Variants in AK5 observed in about 807,000 individuals in gnomAD.
AK5 encodes the protein adenylate kinase isoenzyme 5.
A neutral mutation model predicts 69.5 loss-of-function variants in AK5; 27 were observed. The ratio of observed to expected loss-of-function variants is 0.39; its 90% CI spans 0.29 to 0.54. The LOEUF is 0.54. Among genes scored for constraint, AK5 ranks in the 20% least tolerant of loss-of-function variants. The pLI is 0.71. For missense variants in AK5, 531 were observed against 700.4 expected, an observed-to-expected ratio of 0.76 and a Z score of 2.73; for synonymous variants, 260 against 244.4, an observed-to-expected ratio of 1.06 and a Z score of -0.60.
chr1:77,391,613 AC>A (rs1243127429), intron 6 of AK5, among the ~76,000 whole-genome samples: 1 of 150,778 alleles, frequency 6.6e-6, no homozygotes, highest in East Asian at 1.9e-4. Flanking sequence ...GATAGGTGCT[AC>A]AAAAAAAAGA....
At chr1:77,552,356 TC>T in intron 13 of AK5, among the ~76,000 whole-genome samples, 1 of 152,292 alleles carries the variant, frequency 6.6e-6, no homozygotes, top group Non-Finnish European at 1.5e-5. Context: ...ATCGTAATGG[TC>T]CCCAATAAAG....
chr1:77,290,653 C>T (rs1396771918), intron 2 of AK5, among the ~76,000 whole-genome samples: 1 of 152,186 alleles, frequency 6.6e-6, no homozygotes. Context: ...CAGAATATCT[C>T]ATTATCTTAT....
At chr1:77,294,304 G>A (rs1658863610) in intron 3 of AK5, among the ~76,000 whole-genome samples, 1 of 152,098 alleles carries the variant, frequency 6.6e-6, no homozygotes, top group Non-Finnish European at 1.5e-5. Context: ...GAAGTTTTCT[G>A]AGAGCTGAAT....
At chr1:77,381,697 G>T (rs1647645220) in intron 6 of AK5, among the ~76,000 whole-genome samples, 1 of 152,098 alleles carries the variant, frequency 6.6e-6, no homozygotes, top group Non-Finnish European at 1.5e-5. Context: ...ATAAATATTT[G>T]GGGTTCCCAG....
chr1:77,379,847 C>T (rs1231300829), intron 6 of AK5, among the ~76,000 whole-genome samples: 4 of 152,082 alleles, frequency 2.6e-5, no homozygotes, highest in African/African-American at 7.2e-5. Context: ...ACATAAATAA[C>T]GTATCTGGGT....
intron 6 of AK5, among the ~76,000 whole-genome samples, chr1:77,398,538 G>C (rs1163935752): frequency 6.6e-6 from 1 of 151,978 alleles, no homozygotes; most frequent in Non-Finnish European, 1.5e-5. Context: ...AATAGAAAGG[G>C]GAAAAGGGTA....
intron 12 of AK5, among the ~76,000 whole-genome samples, chr1:77,532,934 A>G (rs1015278652): frequency 1.3e-5 from 2 of 152,242 alleles, no homozygotes; most frequent in African/African-American, 4.8e-5. Context: ...GCTAGGAACC[A>G]GACAGCTACT....
intron 6 of AK5, among the ~76,000 whole-genome samples, chr1:77,360,218 G>A (rs949281379): frequency 6.6e-6 from 1 of 152,178 alleles, no homozygotes; most frequent in East Asian, 1.9e-4. Context: ...AACATCTTAG[G>A]ACTGATAGAG....
At chr1:77,496,764 T>C (rs1457522691) in intron 10 of AK5, among the ~76,000 whole-genome samples, 2 of 152,154 alleles carry the variant, frequency 1.3e-5, no homozygotes, top group Admixed American at 6.5e-5. Flanking sequence ...CAGCACTCTG[T>C]GTCTAGCTAA....
At chr1:77,554,597 GTTTTGT>G (rs373574613) in intron 13 of AK5, among the ~76,000 whole-genome samples, 64 of 151,882 alleles carry the variant, frequency 4.2e-4, no homozygotes, top group East Asian at 1.8e-3. Context: ...TTTTATTTGG[GTTTTGT>G]TTTTGTTTTT....
At chr1:77,282,448 C>T (rs576780187) in intron 1 of AK5, 75 bp downstream of exon 1, 2 of 1,491,568 alleles carry the variant, frequency 1.3e-6, no homozygotes, top group Non-Finnish European at 1.8e-6. Context: ...GGCAGCCGCG[C>T]CCCGTCCCAC....
intron 12 of AK5, among the ~76,000 whole-genome samples, chr1:77,528,815 C>T (rs973848971): frequency 1.5e-4 from 23 of 152,216 alleles, no homozygotes; most frequent in Admixed American, 5.2e-4. Flanking sequence ...TATAGTGACT[C>T]TGGTGTGAAC....
intron 5 of AK5, among the ~76,000 whole-genome samples, chr1:77,322,460 A>G (rs1018973017): frequency 2.0e-5 from 3 of 152,128 alleles, no homozygotes; most frequent in Non-Finnish European, 2.9e-5. Flanking sequence ...TTGCAGAGGA[A>G]AGCAAACCTA....
intron 8 of AK5, among the ~76,000 whole-genome samples, chr1:77,452,077 C>T (rs929361419): frequency 3.3e-5 from 5 of 152,200 alleles, no homozygotes; most frequent in African/African-American, 7.2e-5. Flanking sequence ...AAATCCACTT[C>T]GTATTTTCCC....
At chr1:77,383,146 A>G (rs1427246685) in intron 6 of AK5, among the ~76,000 whole-genome samples, 1 of 152,218 alleles carries the variant, frequency 6.6e-6, no homozygotes, top group Non-Finnish European at 1.5e-5. Flanking sequence ...ACATTTGATT[A>G]AAGTCGTACA....
chr1:77,343,426 G>A (rs777884757), intron 6 of AK5, among the ~76,000 whole-genome samples: 5 of 152,142 alleles, frequency 3.3e-5, no homozygotes, highest in Non-Finnish European at 7.4e-5. Context: ...TAGCCTCTAG[G>A]ACTTGATCTC....
At chr1:77,515,921 T>C (rs748825853) in intron 10 of AK5, among the ~76,000 whole-genome samples, 17 of 151,986 alleles carry the variant, frequency 1.1e-4, no homozygotes, top group Non-Finnish European at 1.9e-4. Context: ...GGTGTGGTGA[T>C]GTGCACCTGT....
Position 77,558,615 on chromosome 1 carries a change from G to C in AK5, c.1634G>C (p.Gly545Ala). The change falls in exon 14 of 14, where the codon GGA (glycine) becomes GCA (alanine). Residue 545 changes from glycine (G) to alanine (A), a missense_variant. Transcript: ENST00000354567. Reference protein sequence around the residue: ...KTQLHKINAEGTPEDVFLQLC... With the variant: ...KTQLHKINAEATPEDVFLQLC... ...TTTTAAATATAGATAAATGCAGAGGGAACACCAGAGGACGTTTTTCTTCAA... is the reference window on the plus strand; with the variant it reads ...TTTTAAATATAGATAAATGCAGAGGCAACACCAGAGGACGTTTTTCTTCAA... 2.5e-6 allele frequency: 4 copies of C among 1,596,186 alleles called. No individual in the cohort carries two copies. The highest frequency in any genetic ancestry group is 3.4e-6 in the Non-Finnish European group (4 of 1,164,206).
chr1:77,311,793 G>A (rs1389084043), intron 5 of AK5, among the ~76,000 whole-genome samples: 1 of 152,068 alleles, frequency 6.6e-6, no homozygotes, highest in East Asian at 1.9e-4. Context: ...CCACTTTGAG[G>A]TGTTAAAGGC....
Sources: allele counts gnomAD v4.1 joint callset (sites outside exome capture counted in the v4.1 genomes callset), GRCh38; gene constraint gnomAD v4.1.1; transcripts MANE v1.5; gene names NCBI Gene and HGNC (gene_info 2026-07-23, HGNC 2026-07-21).